The following NALCN variants were observed in gnomAD, a reference collection of about 807,000 sequenced individuals.
NALCN encodes sodium leak channel, non-selective, also known as sodium leak channel NALCN.
A neutral mutation model predicts 225.3 loss-of-function variants in NALCN; 111 were observed. That is an observed-to-expected ratio of 0.49 (90% CI 0.42 to 0.58). The LOEUF (loss-of-function observed/expected upper bound fraction) is 0.58. Among genes scored for constraint, NALCN ranks in the 20% least tolerant of loss-of-function variants. The pLI is 0.00. For synonymous variants in NALCN, 764 were observed against 769.0 expected (o/e 0.99, Z 0.11); for missense variants, 1,378 against 2,202.4 (o/e 0.63, Z 7.49).
intron 15 of NALCN, among the ~76,000 whole-genome samples, chr13:101,170,319 CAG>C (rs1175321676): frequency 1.3e-5 from 2 of 152,160 alleles, no homozygotes; most frequent in Non-Finnish European, 2.9e-5. Context: ...GGCAATGAGA[CAG>C]ACAGCAAATT....
chr13:101,338,918 T>C (rs7325807), intron 7 of NALCN, among the ~76,000 whole-genome samples: 4,820 of 152,304 alleles, frequency 0.032, 266 homozygotes, highest in African/African-American at 0.11. Flanking sequence ...TTCTCTGTAA[T>C]TCTAATCCCA....
At chr13:101,406,000 G>A (rs959946012) in intron 1 of NALCN, among the ~76,000 whole-genome samples, 12 of 152,032 alleles carry the variant, frequency 7.9e-5, no homozygotes, top group Non-Finnish European at 1.8e-4. Context: ...GGGTTATTAT[G>A]TGCCAGTCTG....
At chr13:101,099,139 C>G (rs2034673667) in intron 27 of NALCN, among the ~76,000 whole-genome samples, 1 of 151,530 alleles carries the variant, frequency 6.6e-6, no homozygotes, top group Middle Eastern at 3.2e-3. Flanking sequence ...TTTCTGGCCT[C>G]TGTTCAGTGT....
intron 6 of NALCN, among the ~76,000 whole-genome samples, chr13:101,374,620 C>A (rs1332480397): frequency 6.6e-6 from 1 of 152,084 alleles, no homozygotes; most frequent in Non-Finnish European, 1.5e-5. Context: ...GTATGAGATG[C>A]ATGCCTTCTA....
At chr13:101,093,272 T>C (rs2034329506) in intron 28 of NALCN, among the ~76,000 whole-genome samples, 2 of 152,372 alleles carry the variant, frequency 1.3e-5, no homozygotes, top group Admixed American at 6.5e-5. Context: ...AATTAGTGCA[T>C]ATTTATGTCC....
chr13:101,181,729 C>T (rs147840549), intron 14 of NALCN, among the ~76,000 whole-genome samples: 5 of 151,958 alleles, frequency 3.3e-5, no homozygotes, highest in African/African-American at 1.2e-4. Context: ...GATGGCAGAG[C>T]AAGTCCCTGT....
chr13:101,176,386 TG>T lies in NALCN; in HGVS notation c.1765-13del. ...AAACTCAGGAGGATCTATAAAATGG[TG>T]AAATAACAATGAAAAAACCCACATG... On this transcript the variant is annotated splice_polypyrimidine_tract_variant and intron_variant, in intron 14 of 43. Coordinates refer to ENST00000251127, the MANE Select transcript of NALCN (RefSeq NM_052867.4). 1 of 1,580,986 alleles carries T rather than the reference TG, an allele frequency of 6.3e-7. No homozygotes were observed. Among genetic ancestry groups the T allele is most frequent in the Non-Finnish European group, 8.6e-7 (1 of 1,168,362 alleles).
chr13:101,289,552 A>C (rs942330996), intron 9 of NALCN, among the ~76,000 whole-genome samples: 3 of 69,228 alleles, frequency 4.3e-5, no homozygotes, highest in Non-Finnish European at 1.1e-4. Flanking sequence ...ATATATATAC[A>C]CATATTTTCT....
chr13:101,349,446 G>A (rs2045841929), intron 6 of NALCN, among the ~76,000 whole-genome samples: 1 of 152,168 alleles, frequency 6.6e-6, no homozygotes, highest in African/African-American at 2.4e-5. Flanking sequence ...AGTTATAGGT[G>A]TGATTAAGGC....
At chr13:101,333,359 G>C (rs1002947909) in intron 7 of NALCN, among the ~76,000 whole-genome samples, 2 of 152,082 alleles carry the variant, frequency 1.3e-5, no homozygotes, top group African/African-American at 4.8e-5. Context: ...AAGTTATTTA[G>C]CATGTTTTAG....
At chr13:101,110,571 A>C (rs1566824567) in intron 20 of NALCN, 48 bp downstream of exon 20, 5 of 1,590,948 alleles carry the variant, frequency 3.1e-6, no homozygotes, top group Non-Finnish European at 3.4e-6. Flanking sequence ...ATTTAAATAC[A>C]TTTTCATAAT....
intron 7 of NALCN, among the ~76,000 whole-genome samples, chr13:101,330,539 G>A (rs932962231): frequency 2.0e-5 from 3 of 152,278 alleles, no homozygotes; most frequent in Admixed American, 6.5e-5. Flanking sequence ...AGATCCATGC[G>A]GGGCAAAAGA....
intron 10 of NALCN, among the ~76,000 whole-genome samples, chr13:101,272,611 T>C (rs572189777): frequency 6.6e-6 from 1 of 152,224 alleles, no homozygotes; most frequent in South Asian, 2.1e-4. Context: ...AATATCAAAA[T>C]ACTGAAGTAA....
At chr13:101,350,766 A>T (rs1455225847) in intron 6 of NALCN, among the ~76,000 whole-genome samples, 1 of 152,082 alleles carries the variant, frequency 6.6e-6, no homozygotes, top group East Asian at 1.9e-4. Context: ...CACCCTCCAT[A>T]ATGTGAGTGG....
intron 27 of NALCN, 129 bp downstream of exon 27, chr13:101,100,655 A>T: frequency 1.7e-6 from 1 of 589,910 alleles, no homozygotes; most frequent in South Asian, 2.7e-5. Flanking sequence ...ATCATAGCTC[A>T]CTGCAACCTT....
chr13:101,335,479 G>T (rs896588209), intron 7 of NALCN, among the ~76,000 whole-genome samples: 2 of 152,080 alleles, frequency 1.3e-5, no homozygotes, highest in Non-Finnish European at 2.9e-5. Flanking sequence ...TTCCTCATAG[G>T]ATGTTTCTTG....
chr13:101,277,691 A>C (rs1323557867), intron 10 of NALCN, among the ~76,000 whole-genome samples: 1 of 152,182 alleles, frequency 6.6e-6, no homozygotes. Context: ...GTATCTTTAT[A>C]CATTTATATA....
chr13:101,073,690 A>G lies in NALCN; in HGVS notation c.4104-13T>C. 1 of 1,603,344 alleles carries G rather than the reference A, an allele frequency of 6.2e-7. No individual in the cohort carries two copies. The highest frequency in any genetic ancestry group is 8.5e-7 in the Non-Finnish European group (1 of 1,172,596). ...AAAATTTGCATGCCTAATTTAAGAAAAAAAAATTAACAGAATGTGAATTAT... is the reference window on the plus strand; with the variant it reads ...AAAATTTGCATGCCTAATTTAAGAAGAAAAAATTAACAGAATGTGAATTAT... On this transcript the variant is annotated splice_polypyrimidine_tract_variant and intron_variant, in intron 36 of 43. Coordinates refer to ENST00000251127, the MANE Select transcript of NALCN (RefSeq NM_052867.4).
At chr13:101,081,412 CATCT>C (rs2033642600) in intron 34 of NALCN, 111 bp downstream of exon 34, 20 of 1,448,434 alleles carry the variant, frequency 1.4e-5, no homozygotes, top group Non-Finnish European at 1.8e-5. Flanking sequence ...TAGGGAGGTC[CATCT>C]AACACCTCAG....
Sources: allele counts gnomAD v4.1 joint callset (sites outside exome capture counted in the v4.1 genomes callset), GRCh38; gene constraint gnomAD v4.1.1; transcripts MANE v1.5; gene names NCBI Gene and HGNC (gene_info 2026-07-23, HGNC 2026-07-21).